USP24: variants seen among roughly 807,000 people sequenced by gnomAD.
The protein encoded by USP24 is ubiquitin specific peptidase 24, also known as ubiquitin carboxyl-terminal hydrolase 24.
Under a neutral mutation model 361.6 loss-of-function variants are expected in USP24, and 97 were observed. The ratio of observed to expected loss-of-function variants is 0.27; its 90% CI spans 0.23 to 0.32. The LOEUF is 0.32. Ranked by LOEUF, USP24 falls within the 10% of genes least tolerant of loss-of-function variation. USP24 has a pLI of 1.00. For synonymous variants in USP24, 1,098 were observed against 1,124.6 expected (o/e 0.98, Z 0.47); for missense variants, 2,353 against 3,165.6 (o/e 0.74, Z 6.16).
At chr1:55,128,217 T>C (rs187375790) in intron 32 of USP24, among the ~76,000 whole-genome samples, 23 of 152,330 alleles carry the variant, frequency 1.5e-4, no homozygotes, top group African/African-American at 5.3e-4. Context: ...TAGTCATAAA[T>C]GTCATTCTGT....
intron 38 of USP24, among the ~76,000 whole-genome samples, chr1:55,112,836 A>G (rs759048830): frequency 6.6e-6 from 1 of 152,138 alleles, no homozygotes; most frequent in Non-Finnish European, 1.5e-5. Context: ...TTGCTGTCTC[A>G]TTGATCTGTC....
chr1:55,187,184 AC>A (rs1417149306), intron 1 of USP24, among the ~76,000 whole-genome samples: 2 of 152,224 alleles, frequency 1.3e-5, no homozygotes, highest in Non-Finnish European at 2.9e-5. Flanking sequence ...ATAAAAAATC[AC>A]GAGATCATCT....
chr1:55,106,428 A>C (rs1006585174), intron 40 of USP24, among the ~76,000 whole-genome samples, 165 bp from the exon 41 acceptor site: 1 of 152,194 alleles, frequency 6.6e-6, no homozygotes, highest in East Asian at 1.9e-4. Context: ...TACATGGCAA[A>C]GCTTGTGGGG....
intron 38 of USP24, among the ~76,000 whole-genome samples, chr1:55,111,230 AT>A (rs1250595418): frequency 6.6e-6 from 1 of 152,016 alleles, no homozygotes; most frequent in African/African-American, 2.4e-5. Context: ...GTGAGACGTA[AT>A]TTTTTAAATT....
At position 55,104,009 on chromosome 1, in the gene USP24, G is replaced by A. The variant is rs772488953; in HGVS notation, c.4892C>T (p.Ala1631Val). 34 of 1,608,082 alleles carry A rather than the reference G, an allele frequency of 2.1e-5. No homozygotes were observed. Among genetic ancestry groups the A allele is most frequent in the Non-Finnish European group, 2.6e-5 (31 of 1,177,076 alleles). The change falls in exon 42 of 68, where the codon GCG becomes GTG. Residue 1631 changes from alanine (A) to valine (V), a missense_variant. Physicochemically the swap from Ala to Val is moderately conservative, Grantham distance 64. Coordinates refer to ENST00000294383, the MANE Select transcript of USP24 (RefSeq NM_015306.3). ...TTCATAGGCTGCCAATCGGCTATTC[G>A]CTGTACTACACCTAGAAACAAAAGA... ...QQDFHPKCST[A>V]NSRLAAYEVL...
chr1:55,124,006 A>T (rs553165403), intron 35 of USP24, among the ~76,000 whole-genome samples: 25 of 152,340 alleles, frequency 1.6e-4, no homozygotes, highest in Admixed American at 4.6e-4. Flanking sequence ...TCAAAATTTT[A>T]AAAACTTCCT....
chr1:55,174,506 C>T (rs1649761912), intron 3 of USP24, among the ~76,000 whole-genome samples: 1 of 152,172 alleles, frequency 6.6e-6, no homozygotes, highest in African/African-American at 2.4e-5. Flanking sequence ...CACAGTTTTA[C>T]AGAAAAATGA....
intron 5 of USP24, among the ~76,000 whole-genome samples, chr1:55,168,282 G>A (rs1167147974): frequency 6.6e-6 from 1 of 152,078 alleles, no homozygotes; most frequent in African/African-American, 2.4e-5. Flanking sequence ...AGCAGATGGT[G>A]GACGAAGGCA....
rs916930813 is a variant in USP24 at position 55,098,345 on chromosome 1, C to T, written c.5453+131G>A. On this transcript the variant is annotated intron_variant, in intron 46 of 67. Coordinates refer to ENST00000294383, the MANE Select transcript of USP24 (RefSeq NM_015306.3). ...GTAGAAAGCAAAGAAATTTAAGTCA[C>T]TAAATACTTATAGATCTGTTGACAG... 3.2e-6 allele frequency: 3 copies of T among 923,602 alleles called. No individual in the cohort carries two copies. In the South Asian group the frequency reaches 6.7e-5, roughly 21 times the overall value. 57.2% of individuals were successfully genotyped at this position (923,602 alleles called of 1,614,324 possible).
intron 1 of USP24, among the ~76,000 whole-genome samples, chr1:55,178,854 T>C (rs1650281544): frequency 6.6e-6 from 1 of 152,072 alleles, no homozygotes; most frequent in Non-Finnish European, 1.5e-5. Context: ...AGTGAGAGCC[T>C]GTCTCTCTAC....
rs145713943 is a variant in USP24, at chr1:55,133,572, T to C, written c.3381+498A>G. On this transcript the variant is annotated intron_variant, in intron 30 of 67. Transcript: ENST00000294383. Reference sequence around the variant, plus strand: ...ACCTGATGTCATTATTGACTTTATATAAATACTTTAAAAGTCAACATTAAG... The same window carrying C: ...ACCTGATGTCATTATTGACTTTATACAAATACTTTAAAAGTCAACATTAAG... Among the ~76,000 whole-genome samples, 805 of 152,192 alleles carry C rather than the reference T, an allele frequency of 5.3e-3. 7 individuals are homozygous for C. Among genetic ancestry groups the C allele is most frequent in the African/African-American group, 0.019 (777 of 41,522 alleles).
intron 53 of USP24, among the ~76,000 whole-genome samples, 198 bp from the exon 54 acceptor site, chr1:55,092,324 A>G (rs923156930): frequency 6.6e-6 from 1 of 152,244 alleles, no homozygotes; most frequent in Non-Finnish European, 1.5e-5. Flanking sequence ...AGGTTAAGAA[A>G]AGACATTGTC....
intron 24 of USP24, among the ~76,000 whole-genome samples, chr1:55,140,198 G>A (rs953742403): frequency 1.3e-5 from 2 of 151,620 alleles, no homozygotes; most frequent in South Asian, 4.2e-4. Context: ...AAATGATTCC[G>A]AATAAAAAGC....
At chr1:55,128,385 A>G (rs1469956198) in intron 32 of USP24, among the ~76,000 whole-genome samples, 1 of 152,130 alleles carries the variant, frequency 6.6e-6, no homozygotes, top group African/African-American at 2.4e-5. Flanking sequence ...CTACAAGACA[A>G]CACTCGTATT....
rs191060371 is a variant in USP24, at chr1:55,129,663, T to A, written c.3538-89A>T. ...AATAAAACATTCAGACAACTTGAGT[T>A]AGAATCTCTTTAAATGTTGCACACT... On this transcript the variant is annotated intron_variant, in intron 31 of 67. Coordinates refer to ENST00000294383, the MANE Select transcript of USP24 (RefSeq NM_015306.3). The A allele has an allele frequency of 6.9e-6, 7 of 1,012,268 alleles. No individual in the cohort carries two copies. The East Asian group carries it at 1.8e-4, about 25-fold the overall frequency. 62.7% of individuals were successfully genotyped at this position (1,012,268 alleles called of 1,614,324 possible).
rs556207051 is a variant in USP24, at chr1:55,181,245, A to G, written c.325-3113T>C. 2.1e-3 allele frequency among the ~76,000 whole-genome samples: 322 copies of G among 152,250 alleles called. 2 individuals are homozygous for G. Among genetic ancestry groups the G allele is most frequent in the South Asian group, 0.015 (71 of 4,832 alleles). The stretch of plus-strand genomic sequence containing the variant: ...TCAATGATATCTAAAGAAATCCAAC[A>G]CATTTCTCCCCCCACCCCAACAAAG... On this transcript the variant is annotated intron_variant, in intron 1 of 67. Coordinates refer to ENST00000294383, the MANE Select transcript of USP24 (RefSeq NM_015306.3).
intron 28 of USP24, 52 bp from the exon 29 acceptor site, chr1:55,134,465 T>C: frequency 1.4e-6 from 2 of 1,476,844 alleles, no homozygotes; most frequent in African/African-American, 1.4e-5. Context: ...AATGTTCTCC[T>C]TTCCTAATCA....
Position 55,215,014 on chromosome 1 carries a change from T to C in USP24, c.100A>G (p.Ile34Val). The change falls in exon 1 of 68, where the codon ATT (isoleucine) becomes GTT (valine). Residue 34 changes from isoleucine (I) to valine (V), a missense_variant. Physicochemically the swap from Ile to Val is conservative, Grantham distance 29 (BLOSUM62 3). This residue lies in a region of USP24 where 253 missense variants were observed against 255.3 expected (regional missense o/e 0.99). Coordinates refer to ENST00000294383, the MANE Select transcript of USP24 (RefSeq NM_015306.3). ...GTGAGCAGTGCCACGGCCTCGTTAATGTCGTTCTTGGCCAGGCGCAGGGCC... is the reference window on the plus strand; with the variant it reads ...GTGAGCAGTGCCACGGCCTCGTTAACGTCGTTCTTGGCCAGGCGCAGGGCC... ...RKALRLAKND[I>V]NEAVALLTNE... is the part of the protein sequence containing the mutation. 1 of 1,479,204 alleles carries C rather than the reference T, an allele frequency of 6.8e-7. No homozygotes were observed. Among genetic ancestry groups the C allele is most frequent in the Non-Finnish European group, 9.0e-7 (1 of 1,114,710 alleles). 91.6% of individuals were successfully genotyped at this position (1,479,204 alleles called of 1,614,324 possible).
Position 55,078,797 on chromosome 1 carries a change from T to TA in USP24, c.7201-147dup, listed in dbSNP as rs1485885452. 2.3e-5 allele frequency: 13 copies of TA among 575,078 alleles called. No homozygotes were observed. In the East Asian group the frequency reaches 3.8e-4, roughly 17 times the overall value. The allele number at this position is 575,078 out of a possible 1,614,324, so 35.6% of individuals were successfully genotyped here. Reference sequence around the variant, plus strand: ...GGGTTTCTTAACTGTTAGAAGTCTATAGATAGACTTCAGGGTGTCTAAGCC... The same window carrying TA: ...GGGTTTCTTAACTGTTAGAAGTCTATAAGATAGACTTCAGGGTGTCTAAGCC... On this transcript the variant is annotated intron_variant, in intron 60 of 67. Transcript: ENST00000294383.
Sources: gnomAD v4.1 joint callset for allele counts (sites outside exome capture counted in the v4.1 genomes callset) on GRCh38, gnomAD v4.1.1 for gene constraint, gnomAD v4.1.1 regional missense constraint, MANE v1.5 for transcripts, NCBI Gene and HGNC (gene_info 2026-07-23, HGNC 2026-07-21) for gene names.